The following HTR2C variants were observed in gnomAD, a reference collection of about 807,000 sequenced individuals.
The protein encoded by HTR2C is 5-hydroxytryptamine receptor 2C, also known as 5-hydroxytryptamine (serotonin) receptor 2C, G protein-coupled.
In HTR2C, 5 loss-of-function variants were observed where a neutral mutation model predicts 21.0. That is an observed-to-expected ratio of 0.24 (90% CI 0.12 to 0.50). The LOEUF is 0.50. HTR2C is among the 20% of genes least tolerant of loss of function. The probability of loss-of-function intolerance (pLI) is 0.98; values close to 1 mark genes in which losing one functional copy is unlikely to be tolerated. For synonymous variants in HTR2C, 150 were observed against 145.3 expected (o/e 1.03, Z -0.23); for missense variants, 271 against 371.2 (o/e 0.73, Z 2.22).
intron 4 of HTR2C, among the ~76,000 whole-genome samples, chrX:114,838,085 G>A (rs189450774): frequency 9.0e-6 from 1 of 111,094 alleles, no homozygotes; most frequent in Non-Finnish European, 1.9e-5. Flanking sequence ...ATGATAAATC[G>A]CCTTTGCATT....
intron 2 of HTR2C, among the ~76,000 whole-genome samples, chrX:114,702,250 C>T (rs1398359077): frequency 9.3e-6 from 1 of 108,081 alleles, no homozygotes; most frequent in Non-Finnish European, 1.9e-5. Flanking sequence ...CTCCAAGACA[C>T]ATAATTGTCA....
chrX:114,849,423 G>A (rs782338710), intron 5 of HTR2C, among the ~76,000 whole-genome samples: 27 of 112,313 alleles, frequency 2.4e-4, no homozygotes, highest in Non-Finnish European at 4.5e-4. Flanking sequence ...AATAGAAATT[G>A]CTATTGGCTA....
At chrX:114,609,674 T>C (rs1928637225) in intron 1 of HTR2C, among the ~76,000 whole-genome samples, 1 of 111,853 alleles carries the variant, frequency 8.9e-6, no homozygotes, top group Middle Eastern at 4.2e-3. Flanking sequence ...AAAATTTAAA[T>C]AAATAAAGAG....
intron 5 of HTR2C, among the ~76,000 whole-genome samples, chrX:114,865,149 T>A (rs1353352627): frequency 9.0e-6 from 1 of 111,414 alleles, no homozygotes; most frequent in Admixed American, 9.6e-5. Context: ...TTGTATTTAA[T>A]GAAATATAGG....
At position 114,807,291 on chromosome X, in the gene HTR2C, ATATACCATGTATATACACCATATATC is replaced by A. The variant is rs1290128269; in HGVS notation, c.350-40703_350-40678del. On this transcript the variant is annotated intron_variant, in intron 4 of 5. Coordinates refer to ENST00000276198, the MANE Select transcript of HTR2C (RefSeq NM_000868.4). ...TATACCATGTATATATACACCATAT[ATATACCATGTATATACACCATATATC>A]TATACCATATATATACACCATGTAT... 9.7e-4 allele frequency among the ~76,000 whole-genome samples: 99 copies of A among 102,161 alleles called. 25 individuals are homozygous for A. The highest frequency in any genetic ancestry group is 0.026 in the Middle Eastern group (2 of 76). 88.7% of individuals were successfully genotyped at this position (102,161 alleles called of 115,157 possible).
intron 4 of HTR2C, among the ~76,000 whole-genome samples, chrX:114,797,780 A>G (rs2070307553): frequency 8.9e-6 from 1 of 112,043 alleles, no homozygotes; most frequent in Non-Finnish European, 1.9e-5. Flanking sequence ...TCATAAATGG[A>G]GTACCTGGCT....
Position 114,907,345 on chromosome X carries a change from T to G in HTR2C, c.1307T>G (p.Met436Arg). Reference protein sequence around the residue: ...KASDNEPGIEMQVENLELPVN... With the variant: ...KASDNEPGIERQVENLELPVN... ...AGTGACAATGAGCCCGGTATAGAGA[T>G]GCAAGTTGAGAATTTAGAGTTACCA... The change falls in exon 6 of 6, where the codon ATG becomes AGG. Residue 436 changes from methionine (M) to arginine (R), a missense_variant. Coordinates refer to ENST00000276198, the MANE Select transcript of HTR2C (RefSeq NM_000868.4). 1 of 1,211,352 alleles carries G rather than the reference T, an allele frequency of 8.3e-7. No individual in the cohort carries two copies. Among genetic ancestry groups the G allele is most frequent in the Non-Finnish European group, 1.1e-6 (1 of 895,212 alleles).
chrX:114,630,321 A>AT (rs200166316), intron 2 of HTR2C, among the ~76,000 whole-genome samples: 202 of 112,014 alleles, frequency 1.8e-3, no homozygotes, highest in African/African-American at 5.9e-3. Flanking sequence ...AAATTCCAAC[A>AT]TTTTTTTACC....
intron 4 of HTR2C, among the ~76,000 whole-genome samples, chrX:114,761,492 T>G (rs2069865701): frequency 9.0e-6 from 1 of 111,587 alleles, no homozygotes; most frequent in Admixed American, 9.6e-5. Flanking sequence ...TCAACCCATT[T>G]CATCTTTACA....
rs1464096559 is a variant in HTR2C at position 114,723,385 on chromosome X, G to T, written c.-79-3473G>T. On this transcript the variant is annotated intron_variant, in intron 2 of 5. Transcript: ENST00000276198. Reference sequence around the variant, plus strand: ...TATCCCCTTTGTCATTTTTTATTGCGTCTATTTGATTCTTCTCTCTTTTTT... The same window carrying T: ...TATCCCCTTTGTCATTTTTTATTGCTTCTATTTGATTCTTCTCTCTTTTTT... 2.7e-5 allele frequency among the ~76,000 whole-genome samples: 3 copies of T among 111,195 alleles called. No homozygotes were observed. The East Asian group carries it at 8.5e-4, about 31-fold the overall frequency.
chrX:114,766,396 C>G (rs1191667608), intron 4 of HTR2C, among the ~76,000 whole-genome samples: 3 of 111,067 alleles, frequency 2.7e-5, no homozygotes, highest in African/African-American at 9.8e-5. Context: ...GATGAAAAAC[C>G]TAGTCATTAA....
At chrX:114,835,397 T>G (rs1164151388) in intron 4 of HTR2C, among the ~76,000 whole-genome samples, 1 of 108,339 alleles carries the variant, frequency 9.2e-6, no homozygotes, top group East Asian at 3.0e-4. Context: ...TGGAGGCTTT[T>G]TTGGTTTCCT....
intron 4 of HTR2C, among the ~76,000 whole-genome samples, chrX:114,784,874 C>T (rs1182375289): frequency 1.8e-5 from 2 of 111,177 alleles, no homozygotes; most frequent in African/African-American, 3.3e-5. Flanking sequence ...CCGCCTCGGC[C>T]TCCCAAAGTG....
chrX:114,811,540 T>C (rs1717943167), intron 4 of HTR2C, among the ~76,000 whole-genome samples: 1 of 112,434 alleles, frequency 8.9e-6, no homozygotes, highest in South Asian at 3.7e-4. Context: ...CTTCTTCTAT[T>C]ATTCCTGGCA....
At chrX:114,791,682 G>C (rs979855119) in intron 4 of HTR2C, among the ~76,000 whole-genome samples, 6 of 110,444 alleles carry the variant, frequency 5.4e-5, no homozygotes, top group Non-Finnish European at 1.1e-4. Context: ...CTAGGTGCTG[G>C]GTTTACAGTG....
chrX:114,684,084 C>A lies in HTR2C; in HGVS notation c.-79-42774C>A, dbSNP rs73638456. Among the ~76,000 whole-genome samples, 958 of 111,101 alleles carry A rather than the reference C, an allele frequency of 8.6e-3. 12 individuals are homozygous for A. Among genetic ancestry groups the A allele is most frequent in the African/African-American group, 0.029 (890 of 30,678 alleles). On this transcript the variant is annotated intron_variant, in intron 2 of 5. Transcript: ENST00000276198. ...ATAAATTCTATTTTAATAACATAAG[C>A]GAAGAGCTTTATATTGAGAGCCCTT...
At chrX:114,802,216 A>G (rs1406336350) in intron 4 of HTR2C, among the ~76,000 whole-genome samples, 2 of 111,276 alleles carry the variant, frequency 1.8e-5, no homozygotes, top group African/African-American at 6.5e-5. Flanking sequence ...AGCACTGGCT[A>G]TGGTGTATTC....
chrX:114,595,684 A>G (rs1927812076), intron 1 of HTR2C, among the ~76,000 whole-genome samples: 1 of 111,067 alleles, frequency 9.0e-6, no homozygotes, highest in African/African-American at 3.3e-5. Flanking sequence ...GAGTCATGTT[A>G]CTCCCAGATG....
At chrX:114,649,319 TACAA>T (rs1930470065) in intron 2 of HTR2C, among the ~76,000 whole-genome samples, 1 of 112,453 alleles carries the variant, frequency 8.9e-6, no homozygotes, top group Non-Finnish European at 1.9e-5. Context: ...TGGCTGTTAA[TACAA>T]ACAGTAGTTT....
Sources: gnomAD v4.1 joint callset for allele counts (sites outside exome capture counted in the v4.1 genomes callset) on GRCh38, gnomAD v4.1.1 for gene constraint, MANE v1.5 for transcripts, NCBI Gene and HGNC (gene_info 2026-07-23, HGNC 2026-07-21) for gene names.